ADAMTS17: variants seen among roughly 807,000 people sequenced by gnomAD.
ADAMTS17 encodes the protein A disintegrin and metalloproteinase with thrombospondin motifs 17.
In ADAMTS17, 113 loss-of-function variants were observed where a neutral mutation model predicts 141.5. The ratio of observed to expected loss-of-function variants is 0.80; its 90% CI spans 0.69 to 0.93. ADAMTS17 has a LOEUF of 0.93. ADAMTS17 is among the 40% of genes least tolerant of loss of function. The probability of loss-of-function intolerance (pLI) is 0.00; values close to 1 mark genes in which losing one functional copy is unlikely to be tolerated. For synonymous variants in ADAMTS17, 768 were observed against 630.6 expected (o/e 1.22, Z -3.27); for missense variants, 1,659 against 1,517.9 (o/e 1.09, Z -1.54).
rs1222593777 is a variant in ADAMTS17 at position 99,971,909 on chromosome 15, T to G, written c.*2493A>C. The stretch of plus-strand genomic sequence containing the variant: ...ACAAGAATGTTTATGATGGTTTCAC[T>G]GAAATCACTGCTCGTGCCATGAACA... On this transcript the variant is annotated 3_prime_UTR_variant, in exon 22 of 22. Transcript: ENST00000268070. 6.6e-6 allele frequency: 1 copy of G among 152,266 alleles called. No individual in the cohort carries two copies. The highest frequency in any genetic ancestry group is 6.5e-5 in the Admixed American group (1 of 15,280). 9.4% of individuals were successfully genotyped at this position (152,266 alleles called of 1,614,324 possible).
chr15:100,067,576 G>A (rs190835339), intron 15 of ADAMTS17, among the ~76,000 whole-genome samples: 1 of 150,998 alleles, frequency 6.6e-6, no homozygotes, highest in Non-Finnish European at 1.5e-5. Flanking sequence ...TTTTTTTTCT[G>A]ATCTATTTGG....
At chr15:100,185,323 C>G (rs1195206539) in intron 8 of ADAMTS17, among the ~76,000 whole-genome samples, 2 of 152,060 alleles carry the variant, frequency 1.3e-5, no homozygotes, top group African/African-American at 4.8e-5. Flanking sequence ...CCTGTGAGAT[C>G]TACCACTGCT....
intron 1 of ADAMTS17, among the ~76,000 whole-genome samples, 180 bp downstream of exon 1, chr15:100,341,641 G>A (rs1350674159): frequency 6.6e-6 from 1 of 150,746 alleles, no homozygotes; most frequent in Non-Finnish European, 1.5e-5. Flanking sequence ...GAGACCCGGC[G>A]GCGGCGCGCC....
Position 100,109,035 on chromosome 15 carries a change from G to C in ADAMTS17, c.1970C>G (p.Pro657Arg), listed in dbSNP as rs1337982385. 1.9e-6 allele frequency: 3 copies of C among 1,614,120 alleles called. No homozygotes were observed. The South Asian group carries it at 3.3e-5, about 18-fold the overall frequency. The change falls in exon 14 of 22, where the codon CCC becomes CGC. Residue 657 changes from proline (P) to arginine (R), a missense_variant. By Grantham distance (103) the Pro-to-Arg change is moderately radical. Coordinates refer to ENST00000268070, the MANE Select transcript of ADAMTS17 (RefSeq NM_139057.4). ...LVADRVLDGTPCGPYETDLCV... is the reference protein window; with the variant it reads ...LVADRVLDGTRCGPYETDLCV... The stretch of plus-strand genomic sequence containing the variant: ...GAGATCAGTCTCGTAGGGCCCGCAG[G>C]GTGTACCGTCCAGGACCCTGTCGGC...
intron 15 of ADAMTS17, among the ~76,000 whole-genome samples, chr15:100,075,593 A>G (rs2034315131): frequency 6.6e-6 from 1 of 152,224 alleles, no homozygotes. Flanking sequence ...GATGCTCAAA[A>G]GAGTCTTACC....
intron 7 of ADAMTS17, among the ~76,000 whole-genome samples, chr15:100,199,764 C>A (rs1201489102): frequency 1.3e-5 from 2 of 152,190 alleles, no homozygotes; most frequent in Admixed American, 1.3e-4. Flanking sequence ...GATGGGCACT[C>A]CATGCTGCGA....
At chr15:100,018,186 T>TTA (rs59113185) in intron 18 of ADAMTS17, among the ~76,000 whole-genome samples, 23,221 of 152,052 alleles carry the variant, frequency 0.15, 4,836 homozygotes, top group African/African-American at 0.47. Flanking sequence ...CTGTGACGGG[T>TTA]TTTCACTTAG....
chr15:100,221,928 GTC>G (rs1337095940), intron 7 of ADAMTS17, among the ~76,000 whole-genome samples: 22 of 152,308 alleles, frequency 1.4e-4, no homozygotes, highest in African/African-American at 5.3e-4. Context: ...GCCGCCTGGG[GTC>G]TCTGAGAAGC....
chr15:100,021,578 T>G (rs2061407942), intron 18 of ADAMTS17, among the ~76,000 whole-genome samples: 1 of 152,212 alleles, frequency 6.6e-6, no homozygotes, highest in Non-Finnish European at 1.5e-5. Flanking sequence ...ACCTAATGCC[T>G]TCCATATCCT....
At chr15:100,316,716 T>C (rs1215200145) in intron 3 of ADAMTS17, among the ~76,000 whole-genome samples, 1 of 152,256 alleles carries the variant, frequency 6.6e-6, no homozygotes, top group Non-Finnish European at 1.5e-5. Flanking sequence ...TTCATGAAAT[T>C]GCATTTGCAT....
chr15:100,072,344 T>C (rs1253964957), intron 15 of ADAMTS17, among the ~76,000 whole-genome samples: 1 of 148,956 alleles, frequency 6.7e-6, no homozygotes, highest in Non-Finnish European at 1.5e-5. Flanking sequence ...AGGTAATTTA[T>C]AGATTCAATG....
In ADAMTS17 at chr15:100,261,646, G is replaced by T; in HGVS notation, c.874-10C>A. On this transcript the variant is annotated splice_polypyrimidine_tract_variant and intron_variant, in intron 5 of 21. Transcript: ENST00000268070. ...CAATGGACAACTTAGCCTAAAAAAA[G>T]TCAGAGGACAGTTAGAGAAACAAAC... The T allele has an allele frequency of 6.2e-7, 1 of 1,612,890 alleles. No individual in the cohort carries two copies. The highest frequency in any genetic ancestry group is 8.5e-7 in the Non-Finnish European group (1 of 1,179,464).
chr15:100,005,516 G>A (rs1000559784), intron 18 of ADAMTS17, among the ~76,000 whole-genome samples: 78 of 152,156 alleles, frequency 5.1e-4, no homozygotes, highest in African/African-American at 1.7e-3. Context: ...CAGCAGTGGT[G>A]GGGGAGTGTT....
chr15:99,995,999 G>C (rs1164773644), intron 19 of ADAMTS17, among the ~76,000 whole-genome samples: 1 of 151,596 alleles, frequency 6.6e-6, no homozygotes, highest in Non-Finnish European at 1.5e-5. Flanking sequence ...GATAATTGAT[G>C]ATGTCAGACT....
chr15:100,122,958 A>G (rs1420191368), intron 12 of ADAMTS17, among the ~76,000 whole-genome samples: 1 of 152,240 alleles, frequency 6.6e-6, no homozygotes, highest in Non-Finnish European at 1.5e-5. Flanking sequence ...AGAAAGAGGC[A>G]TCCTCCATCT....
In ADAMTS17 at chr15:100,258,839, T is replaced by C. The variant is rs114941745; in HGVS notation, c.1031+2640A>G. On this transcript the variant is annotated intron_variant, in intron 6 of 21. Coordinates refer to ENST00000268070, the MANE Select transcript of ADAMTS17 (RefSeq NM_139057.4). ...GAGGGTGAAAAATGAAAAGAAAGTC[T>C]AACTCATAGCATCTTTGCATTGAGG... is the stretch of plus-strand genomic sequence containing the variant. Among the ~76,000 whole-genome samples, 409 of 152,314 alleles carry C rather than the reference T, an allele frequency of 2.7e-3. 5 individuals are homozygous for C. The highest frequency in any genetic ancestry group is 9.2e-3 in the African/African-American group (382 of 41,566).
At chr15:100,323,744 TTTA>T (rs1173525184) in intron 3 of ADAMTS17, among the ~76,000 whole-genome samples, 1 of 152,172 alleles carries the variant, frequency 6.6e-6, no homozygotes, top group African/African-American at 2.4e-5. Flanking sequence ...TAGATTTGCA[TTTA>T]TTAAGATGGA....
intron 20 of ADAMTS17, among the ~76,000 whole-genome samples, chr15:99,987,675 T>G (rs758296814): frequency 6.6e-6 from 1 of 152,120 alleles, no homozygotes; most frequent in Non-Finnish European, 1.5e-5. Flanking sequence ...GGAATCTAAT[T>G]AGAGAGGTCT....
intron 18 of ADAMTS17, among the ~76,000 whole-genome samples, chr15:100,011,416 GAAGA>G (rs1181813550): frequency 7.1e-6 from 1 of 140,536 alleles, no homozygotes; most frequent in Admixed American, 7.2e-5. Flanking sequence ...GGAAAGGAAA[GAAGA>G]AAGGGAGGAA....
Sources: gnomAD v4.1 joint callset for allele counts (sites outside exome capture counted in the v4.1 genomes callset) on GRCh38, gnomAD v4.1.1 for gene constraint, MANE v1.5 for transcripts, NCBI Gene and HGNC (gene_info 2026-07-23, HGNC 2026-07-21) for gene names.